The following PTPRD variants were observed in gnomAD, a reference collection of about 807,000 sequenced individuals.
The protein encoded by PTPRD is receptor-type tyrosine-protein phosphatase delta.
PTPRD carries 34 observed loss-of-function variants against 214.5 expected under a neutral mutation model. That is an observed-to-expected ratio of 0.16 (90% CI 0.12 to 0.21). The LOEUF is 0.21. Ranked by LOEUF, PTPRD falls within the 10% of genes least tolerant of loss-of-function variation. The pLI, the probability that PTPRD is intolerant of heterozygous loss-of-function variation, is 1.00. For missense variants in PTPRD, 2,545 were observed against 2,398.7 expected (o/e 1.06, Z -1.27); for synonymous variants, 1,128 against 845.7 (o/e 1.33, Z -5.79).
chr9:10,102,605 T>C (rs2098564555), intron 3 of PTPRD, among the ~76,000 whole-genome samples: 1 of 151,576 alleles, frequency 6.6e-6, no homozygotes, highest in Admixed American at 6.6e-5. Context: ...TCTAATCAAA[T>C]ATTGAATTTA....
intron 36 of PTPRD, among the ~76,000 whole-genome samples, chr9:8,399,164 C>A (rs566720448): frequency 2.9e-5 from 4 of 139,168 alleles, no homozygotes; most frequent in African/African-American, 1.1e-4. Flanking sequence ...TATTTATTTG[C>A]CTACTTATCT....
intron 2 of PTPRD, among the ~76,000 whole-genome samples, chr9:10,341,755 T>C (rs1172401992): frequency 6.6e-6 from 1 of 152,046 alleles, no homozygotes; most frequent in Non-Finnish European, 1.5e-5. Context: ...TTGGTCTTCT[T>C]TTCATTTGTT....
chr9:8,442,169 T>C (rs1265236022), intron 34 of PTPRD, among the ~76,000 whole-genome samples: 1 of 152,208 alleles, frequency 6.6e-6, no homozygotes, highest in Non-Finnish European at 1.5e-5. Context: ...AAGGTATTAA[T>C]TTAAAATGTT....
At chr9:9,156,807 C>G (rs1305271920) in intron 10 of PTPRD, among the ~76,000 whole-genome samples, 1 of 152,134 alleles carries the variant, frequency 6.6e-6, no homozygotes, top group East Asian at 1.9e-4. Flanking sequence ...AAAACAACAC[C>G]TGATTTTTGA....
Position 8,880,159 on chromosome 9 carries a change from C to T in PTPRD, c.-104+138538G>A, listed in dbSNP as rs142080500. Among the ~76,000 whole-genome samples the T allele has an allele frequency of 3.7e-3, 565 of 152,214 alleles. 14 individuals carry two copies. Among genetic ancestry groups the T allele is most frequent in the Admixed American group, 0.026 (402 of 15,284 alleles). ...ACAAAGGTGGCATTTTTTTCTCAGT[C>T]ATAGCCCTGAGAAAACCCACAATAT... On this transcript the variant is annotated intron_variant, in intron 11 of 45. Coordinates refer to ENST00000381196, the MANE Select transcript of PTPRD (RefSeq NM_002839.4).
At chr9:9,128,042 C>G (rs2099836759) in intron 10 of PTPRD, among the ~76,000 whole-genome samples, 1 of 152,052 alleles carries the variant, frequency 6.6e-6, no homozygotes, top group South Asian at 2.1e-4. Flanking sequence ...CATAAACTTA[C>G]CAATACTGTA....
At chr9:9,600,378 T>C (rs946230512) in intron 7 of PTPRD, among the ~76,000 whole-genome samples, 1 of 150,946 alleles carries the variant, frequency 6.6e-6, no homozygotes, top group Non-Finnish European at 1.5e-5. Context: ...CCTCTGAGGA[T>C]ACTACTCATG....
At chr9:10,275,447 G>T (rs150771893) in intron 3 of PTPRD, among the ~76,000 whole-genome samples, 2 of 151,554 alleles carry the variant, frequency 1.3e-5, no homozygotes, top group Non-Finnish European at 2.9e-5. Flanking sequence ...AAGAGAGAGA[G>T]AGAATTGATG....
rs568240546 is a variant in PTPRD at position 10,069,109 on chromosome 9, C to A, written c.-544-35319G>T. On this transcript the variant is annotated intron_variant, in intron 3 of 45. Coordinates refer to ENST00000381196, the MANE Select transcript of PTPRD (RefSeq NM_002839.4). ...ATTGTGTCAACCCATGGTTTCTTCA[C>A]AAAATGGCTTTCATCATTCTGCCTA... 2.6e-5 allele frequency among the ~76,000 whole-genome samples: 4 copies of A among 152,052 alleles called. No individual in the cohort carries two copies. The East Asian group carries it at 7.8e-4, about 30-fold the overall frequency.
intron 44 of PTPRD, among the ~76,000 whole-genome samples, chr9:8,327,635 G>T (rs1199069167): frequency 6.6e-6 from 1 of 151,880 alleles, no homozygotes; most frequent in Admixed American, 6.6e-5. Context: ...TGACAGTGGG[G>T]TGTTAAAGTC....
intron 10 of PTPRD, among the ~76,000 whole-genome samples, chr9:9,096,853 G>C (rs1314594841): frequency 6.6e-6 from 1 of 152,162 alleles, no homozygotes; most frequent in African/African-American, 2.4e-5. Flanking sequence ...TGCATGTCAG[G>C]GATGCCTTCA....
intron 7 of PTPRD, among the ~76,000 whole-genome samples, chr9:9,613,193 T>G (rs1021722645): frequency 7.8e-6 from 1 of 127,538 alleles, no homozygotes; most frequent in African/African-American, 3.0e-5. Flanking sequence ...ATATGAAGCA[T>G]GTGGAATAAT....
At chr9:10,522,678 T>C (rs1342591329) in intron 2 of PTPRD, among the ~76,000 whole-genome samples, 5 of 152,026 alleles carry the variant, frequency 3.3e-5, no homozygotes. Flanking sequence ...CATATAATGT[T>C]TTACTTTATT....
At chr9:10,513,272 A>T (rs762730794) in intron 2 of PTPRD, among the ~76,000 whole-genome samples, 10 of 152,034 alleles carry the variant, frequency 6.6e-5, no homozygotes, top group Non-Finnish European at 1.2e-4. Flanking sequence ...AACTGTAGTT[A>T]CCAGTATGAG....
At position 9,583,864 on chromosome 9, in the gene PTPRD, G is replaced by T. The variant is rs1339703903; in HGVS notation, c.-286-9083C>A. 3.9e-5 allele frequency among the ~76,000 whole-genome samples: 6 copies of T among 151,978 alleles called. No individual in the cohort carries two copies. In the East Asian group the frequency reaches 1.2e-3, roughly 29 times the overall value. On this transcript the variant is annotated intron_variant, in intron 7 of 45. Transcript: ENST00000381196. ...ATTCTGAAAATATACAGCAGCATTT[G>T]GGTGCCACTTGTCCCTTTCTATCTT...
At chr9:10,012,493 A>G (rs1171687032) in intron 4 of PTPRD, among the ~76,000 whole-genome samples, 1 of 151,990 alleles carries the variant, frequency 6.6e-6, no homozygotes, top group Non-Finnish European at 1.5e-5. Flanking sequence ...CAATCCTTTC[A>G]CCACACCTTA....
At chr9:10,214,447 T>G (rs1206280056) in intron 3 of PTPRD, among the ~76,000 whole-genome samples, 1 of 147,740 alleles carries the variant, frequency 6.8e-6, no homozygotes, top group Non-Finnish European at 1.5e-5. Flanking sequence ...TTTTTTTTTT[T>G]TGCATTTTAA....
chr9:10,016,572 A>T (rs2096720626), intron 4 of PTPRD, among the ~76,000 whole-genome samples: 1 of 152,116 alleles, frequency 6.6e-6, no homozygotes, highest in South Asian at 2.1e-4. Context: ...GGAAAATTGC[A>T]ATTTTAAAGT....
At chr9:10,231,989 A>AGAGAGAGAGAGAGTGTGTGTGTGTGT (rs1245284728) in intron 3 of PTPRD, among the ~76,000 whole-genome samples, 4 of 92,496 alleles carry the variant, frequency 4.3e-5, no homozygotes, top group African/African-American at 1.1e-4. Flanking sequence ...AGAGAGAGAG[A>AGAGAGAGAGAGAGTGTGTGTGTGTGT]GTGTGTGTGT....
Sources: allele counts gnomAD v4.1 joint callset (sites outside exome capture counted in the v4.1 genomes callset), GRCh38; gene constraint gnomAD v4.1.1; transcripts MANE v1.5; gene names NCBI Gene and HGNC (gene_info 2026-07-23, HGNC 2026-07-21).